Variants in CTXND1 observed in about 807,000 individuals in gnomAD.
The protein encoded by CTXND1 is cortexin domain containing 1.
intron 1 of CTXND1, among the ~76,000 whole-genome samples, chr15:80,219,724 G>T (rs1893291883): frequency 6.6e-6 from 1 of 152,184 alleles, no homozygotes; most frequent in South Asian, 2.1e-4. Flanking sequence ...CCATCATGGG[G>T]TGTGTGAATG....
At chr15:80,225,125 G>A (rs890881395) in intron 1 of CTXND1, among the ~76,000 whole-genome samples, 9 of 152,194 alleles carry the variant, frequency 5.9e-5, no homozygotes, top group Non-Finnish European at 1.2e-4. Flanking sequence ...AGATTTCTAG[G>A]TTCAAGATGT....
intron 1 of CTXND1, among the ~76,000 whole-genome samples, chr15:80,250,184 T>C (rs947444757): frequency 6.6e-6 from 1 of 152,208 alleles, no homozygotes; most frequent in African/African-American, 2.4e-5. Flanking sequence ...AGTGTAAATA[T>C]TTGTTGGAGA....
In CTXND1 at chr15:80,204,803, G is replaced by A. The variant is rs1368609102; in HGVS notation, c.-217-1063C>T. 2.6e-5 allele frequency among the ~76,000 whole-genome samples: 4 copies of A among 151,888 alleles called. No homozygotes were observed. The East Asian group carries it at 7.7e-4, about 29-fold the overall frequency. On this transcript the variant is annotated intron_variant, in intron 1 of 2. Coordinates refer to ENST00000560778, the MANE Select transcript of CTXND1 (RefSeq NM_001352888.2). ...TTGAGACTCTGCTTTCAATGCTTTG[G>A]GGTATATAAGCAGAAGTGGCATTGC...
intron 1 of CTXND1, among the ~76,000 whole-genome samples, chr15:80,248,051 G>A (rs1010141739): frequency 2.0e-5 from 3 of 152,244 alleles, no homozygotes; most frequent in African/African-American, 7.2e-5. Context: ...GAGCTGAACA[G>A]CCTACTCTCA....
chr15:80,214,017 A>C (rs1198629737), intron 1 of CTXND1, among the ~76,000 whole-genome samples: 1 of 152,162 alleles, frequency 6.6e-6, no homozygotes, highest in Admixed American at 6.6e-5. Flanking sequence ...TAAGGCAATA[A>C]CCTACTGTGT....
At chr15:80,207,302 CT>C (rs1893157163) in intron 1 of CTXND1, among the ~76,000 whole-genome samples, 1 of 139,832 alleles carries the variant, frequency 7.2e-6, no homozygotes, top group Non-Finnish European at 1.6e-5. Context: ...TTTTTTTTTT[CT>C]TTTTATGCTG....
At chr15:80,240,373 T>C (rs1328095103) in intron 1 of CTXND1, among the ~76,000 whole-genome samples, 1 of 152,196 alleles carries the variant, frequency 6.6e-6, no homozygotes, top group Admixed American at 6.5e-5. Flanking sequence ...TCTCCCTCTC[T>C]CTACCACTCT....
Position 80,196,875 on chromosome 15 carries a change from G to GCT in CTXND1, c.*4893_*4894dup, listed in dbSNP as rs2041422996. On this transcript the variant is annotated 3_prime_UTR_variant, in exon 3 of 3. Transcript: ENST00000560778. Reference sequence around the variant, plus strand: ...AGAGGTCAAGGTATTTATTCCCCCAGCTCTCTTCCTACTGAGCTGCAGTGG... The same window carrying GCT: ...AGAGGTCAAGGTATTTATTCCCCCAGCTCTCTCTTCCTACTGAGCTGCAGTGG... 2 of 152,162 alleles carry GCT rather than the reference G, an allele frequency of 1.3e-5. No homozygotes were observed. Among genetic ancestry groups the GCT allele is most frequent in the Admixed American group, 1.3e-4 (2 of 15,274 alleles). The allele number at this position is 152,162 out of a possible 1,614,324, so 9.4% of individuals were successfully genotyped here.
At chr15:80,210,686 T>C (rs1893195167) in intron 1 of CTXND1, among the ~76,000 whole-genome samples, 1 of 152,252 alleles carries the variant, frequency 6.6e-6, no homozygotes, top group Admixed American at 6.5e-5. Flanking sequence ...TATGCTGATG[T>C]ATTTCCTTAT....
In CTXND1 at chr15:80,200,425, G is replaced by A. The variant is rs1373216573; in HGVS notation, c.*1345C>T. 1 of 152,186 alleles carries A rather than the reference G, an allele frequency of 6.6e-6. No individual in the cohort carries two copies. Among genetic ancestry groups the A allele is most frequent in the Non-Finnish European group, 1.5e-5 (1 of 68,052 alleles). The allele number at this position is 152,186 out of a possible 1,614,324, so 9.4% of individuals were successfully genotyped here. A position where few individuals can be genotyped will look rare whatever the true frequency, so the allele number is the denominator to read the frequency against. On this transcript the variant is annotated 3_prime_UTR_variant, in exon 3 of 3. Coordinates refer to ENST00000560778, the MANE Select transcript of CTXND1 (RefSeq NM_001352888.2). ...ATTGGGACTTGGGGCCGGTTTTGTA[G>A]GCTCTGCTCTAATGATTTTGCTGCA...
At chr15:80,220,991 C>A (rs1893309717) in intron 1 of CTXND1, among the ~76,000 whole-genome samples, 1 of 151,330 alleles carries the variant, frequency 6.6e-6, no homozygotes, top group Non-Finnish European at 1.5e-5. Context: ...TCACTGCAAG[C>A]TCCGCCTCCC....
chr15:80,249,758 A>G (rs1274199408), intron 1 of CTXND1, among the ~76,000 whole-genome samples: 3 of 152,248 alleles, frequency 2.0e-5, no homozygotes, highest in Admixed American at 6.5e-5. Context: ...GTCAGGAAAC[A>G]CACAAATTCC....
chr15:80,209,307 C>T (rs910430336), intron 1 of CTXND1, among the ~76,000 whole-genome samples: 2 of 152,198 alleles, frequency 1.3e-5, no homozygotes, highest in African/African-American at 2.4e-5. Flanking sequence ...GAAGCAAGGA[C>T]ACATATCCAG....
chr15:80,240,467 T>A (rs1893552918), intron 1 of CTXND1, among the ~76,000 whole-genome samples: 1 of 152,156 alleles, frequency 6.6e-6, no homozygotes, highest in African/African-American at 2.4e-5. Context: ...ATTTGTTAAA[T>A]TGAATTGCAT....
At chr15:80,223,347 G>A (rs1240903475) in intron 1 of CTXND1, among the ~76,000 whole-genome samples, 3 of 152,154 alleles carry the variant, frequency 2.0e-5, no homozygotes, top group Admixed American at 2.0e-4. Context: ...CTGAGCCACC[G>A]CGCCCGGCCG....
chr15:80,223,587 G>A lies in CTXND1; in HGVS notation c.-217-19847C>T, dbSNP rs74027274. ...TTTCTATTAGTTGTATATCTAGAAG[G>A]TTGCTGGACTGTATAGGTGTATGTT... On this transcript the variant is annotated intron_variant, in intron 1 of 2. Coordinates refer to ENST00000560778, the MANE Select transcript of CTXND1 (RefSeq NM_001352888.2). Among the ~76,000 whole-genome samples the A allele has an allele frequency of 3.6e-3, 548 of 152,204 alleles. 4 individuals carry two copies. Among genetic ancestry groups the A allele is most frequent in the African/African-American group, 0.013 (522 of 41,518 alleles).
rs60949499 is a variant in CTXND1 at position 80,247,077 on chromosome 15, C to G, written c.-218+4930G>C. Among the ~76,000 whole-genome samples the G allele has an allele frequency of 5.6e-3, 849 of 152,200 alleles. 10 individuals are homozygous for G. Among genetic ancestry groups the G allele is most frequent in the African/African-American group, 0.019 (786 of 41,498 alleles). On this transcript the variant is annotated intron_variant, in intron 1 of 2. Transcript: ENST00000560778. The stretch of plus-strand genomic sequence containing the variant: ...TGAGAAAATTGAGGCTCAAAGCAGT[C>G]GGGTGGTGTGTCTGTGGTCTCGCAG...
At chr15:80,239,918 C>T (rs1893545447) in intron 1 of CTXND1, among the ~76,000 whole-genome samples, 1 of 152,146 alleles carries the variant, frequency 6.6e-6, no homozygotes, top group African/African-American at 2.4e-5. Context: ...TTTCTCATCC[C>T]AAATATTCAC....
At chr15:80,247,732 C>T (rs1893649213) in intron 1 of CTXND1, among the ~76,000 whole-genome samples, 1 of 152,140 alleles carries the variant, frequency 6.6e-6, no homozygotes, top group South Asian at 2.1e-4. Flanking sequence ...GAAATGTGGA[C>T]ACCAGGGAGA....
Sources: gnomAD v4.1 joint callset for allele counts (sites outside exome capture counted in the v4.1 genomes callset) on GRCh38, gnomAD v4.1.1 for gene constraint, MANE v1.5 for transcripts, NCBI Gene and HGNC (gene_info 2026-07-23, HGNC 2026-07-21) for gene names.